Variants in ARPP21 observed in about 807,000 individuals in gnomAD.
The protein encoded by ARPP21 is cAMP-regulated phosphoprotein 21.
Under a neutral mutation model 113.2 loss-of-function variants are expected in ARPP21, and 69 were observed. The observed-to-expected ratio is 0.61, with a 90% CI of 0.50 to 0.74. The LOEUF is 0.74. ARPP21 is among the 30% of genes least tolerant of loss of function. ARPP21 has a pLI of 0.00. For synonymous variants in ARPP21, 368 were observed against 375.5 expected (o/e 0.98, Z 0.23); for missense variants, 1,070 against 1,037.4 (o/e 1.03, Z -0.43).
At chr3:35,717,555 G>A (rs561357649) in intron 13 of ARPP21, among the ~76,000 whole-genome samples, 198 bp downstream of exon 13, 164 of 152,136 alleles carry the variant, frequency 1.1e-3, no homozygotes, top group African/African-American at 3.4e-3. Context: ...CTATCACTTC[G>A]TCTACAATTC....
chr3:35,762,631 C>G (rs2095825185), intron 19 of ARPP21, among the ~76,000 whole-genome samples: 1 of 152,096 alleles, frequency 6.6e-6, no homozygotes, highest in Non-Finnish European at 1.5e-5. Context: ...AGACCTCACA[C>G]AGCAGACATG....
intron 1 of ARPP21, among the ~76,000 whole-genome samples, chr3:35,667,810 C>A (rs2074781597): frequency 7.1e-6 from 1 of 140,808 alleles, no homozygotes; most frequent in Non-Finnish European, 1.5e-5. Flanking sequence ...GTCAGTAAGT[C>A]TTGAAGATCA....
Position 35,737,247 on chromosome 3 carries a change from G to C in ARPP21, c.1529G>C (p.Arg510Pro). 1 of 1,612,858 alleles carries C rather than the reference G, an allele frequency of 6.2e-7. No homozygotes were observed. Among genetic ancestry groups the C allele is most frequent in the Non-Finnish European group, 8.5e-7 (1 of 1,179,258 alleles). The stretch of plus-strand genomic sequence containing the variant: ...CCACCCACCAGTCAGCAGCCCCTGC[G>C]AAGCGCCATGGTGGGGCAGTCCCAA... Reference protein sequence around the residue: ...YNPPTSQQPLRSAMVGQSQQQ... With the variant: ...YNPPTSQQPLPSAMVGQSQQQ... Residue 510 changes from arginine to proline, a missense_variant, in exon 16 of 21, where the codon CGA becomes CCA. Arg to Pro is a moderately radical substitution (Grantham distance 103). Coordinates refer to ENST00000684406, the MANE Select transcript of ARPP21 (RefSeq NM_001385562.1).
intron 1 of ARPP21, among the ~76,000 whole-genome samples, chr3:35,652,595 G>T (rs1012976777): frequency 4.4e-4 from 67 of 151,994 alleles, no homozygotes; most frequent in African/African-American, 1.5e-3. Context: ...GTTAGCCAAG[G>T]CATTTACAGC....
intron 5 of ARPP21, chr3:35,685,245 G>A: frequency 1.0e-6 from 1 of 985,296 alleles, no homozygotes; most frequent in Non-Finnish European, 1.2e-6. Flanking sequence ...TAAGTCTAGT[G>A]TATCCATACA....
Position 35,721,766 on chromosome 3 carries a change from G to T in ARPP21, c.1157G>T (p.Gly386Val). ...PAMTKTASFGGITVLTRGDST... is the reference protein window; with the variant it reads ...PAMTKTASFGVITVLTRGDST... ...ATGACCAAGACGGCGAGTTTTGGGG[G>T]CATCACGGTGCTGACCAGGGGTGAC... The change falls in exon 14 of 21, where the codon GGC (glycine) becomes GTC (valine). Residue 386 changes from glycine (G) to valine (V), a missense_variant. Coordinates refer to ENST00000684406, the MANE Select transcript of ARPP21 (RefSeq NM_001385562.1). 1 of 1,613,630 alleles carries T rather than the reference G, an allele frequency of 6.2e-7. No individual in the cohort carries two copies. Among genetic ancestry groups the T allele is most frequent in the Non-Finnish European group, 8.5e-7 (1 of 1,179,780 alleles).
intron 15 of ARPP21, among the ~76,000 whole-genome samples, chr3:35,735,904 G>GT (rs1001786020): frequency 1.3e-5 from 2 of 152,170 alleles, no homozygotes; most frequent in African/African-American, 4.8e-5. Context: ...AATACTGGGT[G>GT]TTACTTCACC....
chr3:35,731,722 G>T (rs1437443568), intron 15 of ARPP21, among the ~76,000 whole-genome samples: 1 of 151,464 alleles, frequency 6.6e-6, no homozygotes, highest in Non-Finnish European at 1.5e-5. Context: ...TGAAGCTAAA[G>T]GTTTGCCTCC....
At chr3:35,775,744 A>G (rs990831706) in intron 19 of ARPP21, among the ~76,000 whole-genome samples, 6 of 152,156 alleles carry the variant, frequency 3.9e-5, no homozygotes, top group African/African-American at 1.4e-4. Flanking sequence ...AATAAATTCC[A>G]AAATATAGAG....
chr3:35,735,209 C>T (rs1197601073), intron 15 of ARPP21, among the ~76,000 whole-genome samples: 1 of 152,126 alleles, frequency 6.6e-6, no homozygotes, highest in Non-Finnish European at 1.5e-5. Flanking sequence ...AACCTCTCTC[C>T]TGGGATCCAG....
intron 1 of ARPP21, among the ~76,000 whole-genome samples, chr3:35,667,057 A>G (rs2074555420): frequency 1.3e-5 from 2 of 152,246 alleles, no homozygotes; most frequent in South Asian, 4.1e-4. Flanking sequence ...GCTCTGCCTC[A>G]CCCCTAGAGT....
At position 35,644,948 on chromosome 3, in the gene ARPP21, C is replaced by T. The variant is rs150514356; in HGVS notation, c.-213+4550C>T. 4.6e-5 allele frequency among the ~76,000 whole-genome samples: 7 copies of T among 151,900 alleles called. No individual in the cohort carries two copies. In the South Asian group the frequency reaches 6.2e-4, roughly 13 times the overall value. Reference sequence around the variant, plus strand: ...GACAGGTTTAGAAGATTTTTGTATACGTTTTGTAATAAACTGATATATATT... The same window carrying T: ...GACAGGTTTAGAAGATTTTTGTATATGTTTTGTAATAAACTGATATATATT... On this transcript the variant is annotated intron_variant, in intron 1 of 20. Transcript: ENST00000684406.
chr3:35,723,568 T>C (rs2093300557), intron 14 of ARPP21, among the ~76,000 whole-genome samples: 1 of 152,138 alleles, frequency 6.6e-6, no homozygotes, highest in Non-Finnish European at 1.5e-5. Context: ...CTAAGATAGG[T>C]TTAATAGTTT....
chr3:35,730,852 A>G (rs565622155), intron 15 of ARPP21, among the ~76,000 whole-genome samples: 1 of 152,348 alleles, frequency 6.6e-6, no homozygotes, highest in Non-Finnish European at 1.5e-5. Flanking sequence ...TTTGATTGAG[A>G]CATATTGAAA....
chr3:35,775,511 C>G (rs2151606644), intron 19 of ARPP21, among the ~76,000 whole-genome samples: 1 of 152,238 alleles, frequency 6.6e-6, no homozygotes, highest in Non-Finnish European at 1.5e-5. Flanking sequence ...AATTTACCAT[C>G]TGAGCCCATC....
At chr3:35,682,564 G>T (rs895702773) in intron 3 of ARPP21, 1 of 353,462 alleles carries the variant, frequency 2.8e-6, no homozygotes, top group Non-Finnish European at 5.1e-6. Context: ...GCAGATAACT[G>T]CATGATGGCC....
chr3:35,790,405 G>C (rs1263304019), intron 19 of ARPP21, among the ~76,000 whole-genome samples: 5 of 152,160 alleles, frequency 3.3e-5, no homozygotes, highest in African/African-American at 1.2e-4. Context: ...TTGGAACAAT[G>C]TCATAATAAA....
intron 11 of ARPP21, among the ~76,000 whole-genome samples, chr3:35,713,982 G>T (rs906932096): frequency 3.3e-5 from 5 of 152,116 alleles, no homozygotes; most frequent in Admixed American, 6.5e-5. Context: ...CCAGCCAATA[G>T]TAAAACCAAA....
At chr3:35,748,114 A>AAAGAAAGAAAGAAAGAAAGAAAG (rs1559838087) in intron 19 of ARPP21, among the ~76,000 whole-genome samples, 4 of 90,770 alleles carry the variant, frequency 4.4e-5, no homozygotes, top group South Asian at 3.4e-4. Context: ...AAGAAAGAAG[A>AAAGAAAGAAAGAAAGAAAGAAAG]AAGAAAGAAA....
Sources: allele counts gnomAD v4.1 joint callset (sites outside exome capture counted in the v4.1 genomes callset), GRCh38; gene constraint gnomAD v4.1.1; transcripts MANE v1.5; gene names NCBI Gene and HGNC (gene_info 2026-07-23, HGNC 2026-07-21).